The following FAM114A1 variants were observed in gnomAD, a reference collection of about 807,000 sequenced individuals.
FAM114A1 encodes protein NOXP20.
A neutral mutation model predicts 64.3 loss-of-function variants in FAM114A1; 62 were observed. That is an observed-to-expected ratio of 0.96 (90% CI 0.79 to 1.19). FAM114A1 has a LOEUF of 1.19. Ranked by LOEUF, FAM114A1 falls within the 50% of genes most tolerant of loss-of-function variation. The pLI is 0.00. For missense variants in FAM114A1, 645 were observed against 676.3 expected, an observed-to-expected ratio of 0.95 and a Z score of 0.51; for synonymous variants, 254 against 251.1, an observed-to-expected ratio of 1.01 and a Z score of -0.11.
intron 12 of FAM114A1, among the ~76,000 whole-genome samples, 181 bp from the exon 13 acceptor site, chr4:38,935,537 A>T (rs958318831): frequency 6.6e-6 from 1 of 152,224 alleles, no homozygotes; most frequent in Admixed American, 6.5e-5. Context: ...TTAAACTGTG[A>T]TTGCGAATCA....
rs765030884 is a variant in FAM114A1 at position 38,931,466 on chromosome 4, C to T, written c.1177C>T (p.His393Tyr). The T allele has an allele frequency of 6.2e-7, 1 of 1,613,018 alleles. No individual in the cohort carries two copies. Among genetic ancestry groups the T allele is most frequent in the East Asian group, 2.2e-5 (1 of 44,818 alleles). Residue 393 changes from histidine (H) to tyrosine (Y), a missense_variant, in exon 11 of 15, where the codon CAT becomes TAT. Coordinates refer to ENST00000358869, the MANE Select transcript of FAM114A1 (RefSeq NM_138389.4). ...DKLNKAMKRAHDWVEEDQTVV... is the reference protein window; with the variant it reads ...DKLNKAMKRAYDWVEEDQTVV... The stretch of plus-strand genomic sequence containing the variant: ...ACCTCTGCAGGCCATGAAGAGGGCT[C>T]ATGACTGGGTGGAAGAGGATCAAAC...
intron 6 of FAM114A1, among the ~76,000 whole-genome samples, chr4:38,908,297 C>G (rs11938455): frequency 0.018 from 2,722 of 151,990 alleles, 86 homozygotes; most frequent in African/African-American, 0.062. Flanking sequence ...TCCATTCATA[C>G]ACAGAGAGCC....
chr4:38,935,544 AT>A (rs999379402), intron 12 of FAM114A1, among the ~76,000 whole-genome samples, 173 bp from the exon 13 acceptor site: 66 of 152,352 alleles, frequency 4.3e-4, no homozygotes, highest in African/African-American at 1.4e-3. Flanking sequence ...GTGATTGCGA[AT>A]CATGGAAGAT....
chr4:38,868,655 T>C (rs1410485030), intron 2 of FAM114A1, 109 bp downstream of exon 2: 1 of 152,296 alleles, frequency 6.6e-6, no homozygotes, highest in African/African-American at 2.4e-5. Flanking sequence ...GCCCTACTGA[T>C]CCCATCATTT....
At chr4:38,930,788 G>A (rs1457077220) in intron 10 of FAM114A1, among the ~76,000 whole-genome samples, 2 of 152,188 alleles carry the variant, frequency 1.3e-5, no homozygotes, top group East Asian at 3.8e-4. Context: ...TAACAGGCAG[G>A]GGAGGAGGTT....
At position 38,920,067 on chromosome 4, in the gene FAM114A1, G is replaced by A. The variant is rs551573188; in HGVS notation, c.946-2703G>A. Among the ~76,000 whole-genome samples the A allele has an allele frequency of 7.2e-5, 11 of 152,154 alleles. No individual in the cohort carries two copies. The South Asian group carries it at 2.1e-3, about 29-fold the overall frequency. ...CTACAAAAAATACAAAAATTAGCAG[G>A]GAGTGGTGGCGTGTACCTATAGTCC... On this transcript the variant is annotated intron_variant, in intron 8 of 14. Transcript: ENST00000358869.
chr4:38,914,903 C>T lies in FAM114A1; in HGVS notation c.793-18C>T. On this transcript the variant is annotated intron_variant, in intron 7 of 14. Transcript: ENST00000358869. ...TTTAAATGTACATCCAGAGTACAAA[C>T]ATTGTGTATTTCTGCAGATGTTAAG... The T allele has an allele frequency of 2.5e-6, 4 of 1,612,398 alleles. No individual in the cohort carries two copies. Among genetic ancestry groups the T allele is most frequent in the African/African-American group, 1.3e-5 (1 of 74,972 alleles).
intron 4 of FAM114A1, among the ~76,000 whole-genome samples, chr4:38,896,124 AAAGGG>A (rs1265410098): frequency 6.6e-6 from 1 of 152,192 alleles, no homozygotes; most frequent in East Asian, 1.9e-4. Flanking sequence ...ACAAAATGGC[AAAGGG>A]TACATGAGGA....
At chr4:38,888,698 C>T (rs1716050662) in intron 3 of FAM114A1, among the ~76,000 whole-genome samples, 1 of 152,140 alleles carries the variant, frequency 6.6e-6, no homozygotes, top group Non-Finnish European at 1.5e-5. Flanking sequence ...TGAGAGAGTT[C>T]TCATCTGATG....
At chr4:38,890,107 T>C (rs1213635127) in intron 3 of FAM114A1, among the ~76,000 whole-genome samples, 1 of 151,868 alleles carries the variant, frequency 6.6e-6, no homozygotes, top group Admixed American at 6.6e-5. Flanking sequence ...TCTGCAAGGG[T>C]AGAAAATAAC....
chr4:38,881,631 G>A (rs1268796332), intron 3 of FAM114A1, among the ~76,000 whole-genome samples: 3 of 152,160 alleles, frequency 2.0e-5, no homozygotes, highest in Non-Finnish European at 2.9e-5. Flanking sequence ...ACCATTCTAC[G>A]TAGGTGCAAA....
Position 38,943,464 on chromosome 4 carries a change from C to T in FAM114A1, c.1599C>T (p.Asn533=). ...TTTTTCTCCTCTCACAGGGCTGCAA[C>T]AGTACAACGTACATACAGGATGCCT... ...MISSVLLEGC[N]STTYIQDAFQ... Residue 533 remains asparagine (N), a synonymous_variant, in exon 15 of 15, where the codon AAC becomes AAT. Coordinates refer to ENST00000358869, the MANE Select transcript of FAM114A1 (RefSeq NM_138389.4). 1 of 1,613,988 alleles carries T rather than the reference C, an allele frequency of 6.2e-7. No individual in the cohort carries two copies. Among genetic ancestry groups the T allele is most frequent in the Non-Finnish European group, 8.5e-7 (1 of 1,179,924 alleles).
chr4:38,920,974 G>A (rs1279493837), intron 8 of FAM114A1, among the ~76,000 whole-genome samples: 1 of 152,196 alleles, frequency 6.6e-6, no homozygotes, highest in Non-Finnish European at 1.5e-5. Context: ...CTGGCAATGA[G>A]CTTTAGCAAC....
intron 9 of FAM114A1, among the ~76,000 whole-genome samples, chr4:38,927,401 C>A (rs895640296): frequency 6.6e-6 from 1 of 152,156 alleles, no homozygotes; most frequent in South Asian, 2.1e-4. Context: ...TGTGTCCTTA[C>A]ATGGTGGAAG....
At position 38,905,827 on chromosome 4, in the gene FAM114A1, T is replaced by G; in HGVS notation, c.623T>G (p.Met208Arg). ...TCCCCTTCATCAGCCTCTCGGGGTATGCTGTCTGCCATCACCAATGTGGTT... is the reference window on the plus strand; with the variant it reads ...TCCCCTTCATCAGCCTCTCGGGGTAGGCTGTCTGCCATCACCAATGTGGTT... The part of the protein sequence containing the change: ...PTSPSSASRG[M>R]LSAITNVVQN... The change falls in exon 6 of 15, where the codon ATG (methionine) becomes AGG (arginine). Residue 208 changes from methionine (M) to arginine (R), a missense_variant. Met to Arg is a moderately conservative substitution (Grantham distance 91). Coordinates refer to ENST00000358869, the MANE Select transcript of FAM114A1 (RefSeq NM_138389.4). 1 of 1,614,058 alleles carries G rather than the reference T, an allele frequency of 6.2e-7. No homozygotes were observed. The highest frequency in any genetic ancestry group is 1.1e-5 in the South Asian group (1 of 91,072).
At chr4:38,873,085 G>T (rs1714246345) in intron 2 of FAM114A1, among the ~76,000 whole-genome samples, 1 of 152,170 alleles carries the variant, frequency 6.6e-6, no homozygotes, top group African/African-American at 2.4e-5. Context: ...TATACAGTGG[G>T]TTTCTATCGT....
intron 2 of FAM114A1, among the ~76,000 whole-genome samples, chr4:38,870,168 C>T (rs1713894152): frequency 6.6e-6 from 1 of 152,170 alleles, no homozygotes; most frequent in Admixed American, 6.5e-5. Context: ...CCATCGCTCC[C>T]ACCTCTCATC....
At chr4:38,887,663 C>G (rs746333980) in intron 3 of FAM114A1, among the ~76,000 whole-genome samples, 2 of 152,172 alleles carry the variant, frequency 1.3e-5, no homozygotes, top group East Asian at 1.9e-4. Context: ...CAGAAAAGAA[C>G]AAATATGCCC....
chr4:38,942,447 C>T (rs531663996), intron 14 of FAM114A1, among the ~76,000 whole-genome samples: 2 of 152,204 alleles, frequency 1.3e-5, no homozygotes, highest in South Asian at 4.2e-4. Context: ...CAGTCAGAGG[C>T]AGAATGTGGT....
Sources: gnomAD v4.1 joint callset for allele counts (sites outside exome capture counted in the v4.1 genomes callset) on GRCh38, gnomAD v4.1.1 for gene constraint, MANE v1.5 for transcripts, NCBI Gene and HGNC (gene_info 2026-07-23, HGNC 2026-07-21) for gene names.